Variants in SCNN1A observed in about 807,000 individuals in gnomAD.
SCNN1A encodes sodium channel epithelial 1 subunit alpha.
In SCNN1A, 65 loss-of-function variants were observed where a neutral mutation model predicts 68.6. That is an observed-to-expected ratio of 0.95 (90% CI 0.78 to 1.16). SCNN1A has a LOEUF of 1.16. Ranked by LOEUF, SCNN1A falls within the 50% of genes most tolerant of loss-of-function variation. SCNN1A has a pLI of 0.00. For synonymous variants in SCNN1A, 357 were observed against 353.3 expected, an observed-to-expected ratio of 1.01 and a Z score of -0.12; for missense variants, 880 against 865.9, an observed-to-expected ratio of 1.02 and a Z score of -0.20.
At chr12:6,361,212 G>A (rs949814691) in intron 4 of SCNN1A, among the ~76,000 whole-genome samples, 2 of 152,034 alleles carry the variant, frequency 1.3e-5, no homozygotes, top group African/African-American at 4.8e-5. Flanking sequence ...CTCATTTTTT[G>A]TTTTACTTCC....
intron 4 of SCNN1A, among the ~76,000 whole-genome samples, chr12:6,359,152 T>C (rs1948543910): frequency 6.6e-6 from 1 of 151,916 alleles, no homozygotes; most frequent in African/African-American, 2.4e-5. Context: ...GTAAGGAAAA[T>C]ATTCTAAAAA....
At chr12:6,361,996 T>A in intron 4 of SCNN1A, 55 bp downstream of exon 4, 1 of 1,583,764 alleles carries the variant, frequency 6.3e-7, no homozygotes, top group South Asian at 1.1e-5. Context: ...GGCGTGAGGC[T>A]GACCCAGGGA....
intron 2 of SCNN1A, among the ~76,000 whole-genome samples, chr12:6,373,940 C>T (rs549138367): frequency 8.4e-4 from 128 of 152,330 alleles, no homozygotes; most frequent in African/African-American, 2.9e-3. Flanking sequence ...TCTCGCCTCC[C>T]CTCACCTAGC....
At chr12:6,359,549 C>T (rs550639979) in intron 4 of SCNN1A, among the ~76,000 whole-genome samples, 1 of 152,050 alleles carries the variant, frequency 6.6e-6, no homozygotes, top group Non-Finnish European at 1.5e-5. Context: ...ATGAGTGAAT[C>T]CTCACACTAT....
chr12:6,371,078 T>A (rs537656004), intron 2 of SCNN1A, among the ~76,000 whole-genome samples: 1 of 152,248 alleles, frequency 6.6e-6, no homozygotes, highest in Admixed American at 6.5e-5. Context: ...CTTTGTCCCC[T>A]TTCCTTGAAG....
At chr12:6,364,349 A>G (rs1170792058) in intron 2 of SCNN1A, among the ~76,000 whole-genome samples, 4 of 152,308 alleles carry the variant, frequency 2.6e-5, no homozygotes, top group African/African-American at 7.2e-5. Flanking sequence ...CATCTCCATC[A>G]TGAAAGTCCA....
chr12:6,360,787 C>A (rs1014094666), intron 4 of SCNN1A, among the ~76,000 whole-genome samples: 4 of 152,146 alleles, frequency 2.6e-5, no homozygotes, highest in African/African-American at 9.7e-5. Flanking sequence ...GGGGACCCCC[C>A]CCTCGCCTCA....
chr12:6,363,352 G>A (rs544211992), intron 3 of SCNN1A, 91 bp downstream of exon 3: 6 of 1,175,384 alleles, frequency 5.1e-6, no homozygotes, highest in Non-Finnish European at 2.3e-6. Flanking sequence ...TGGGCTGCGC[G>A]GGCGGGTCAG....
At chr12:6,376,580 T>C (rs868281449), upstream of SCNN1A, among the ~76,000 whole-genome samples, 12 of 152,348 alleles carry the variant, frequency 7.9e-5, no homozygotes, top group Middle Eastern at 3.4e-3. Flanking sequence ...GAGAAATTCG[T>C]TGATGGGCTA....
intron 2 of SCNN1A, among the ~76,000 whole-genome samples, chr12:6,370,552 A>G (rs1282677075): frequency 6.6e-6 from 1 of 152,234 alleles, no homozygotes; most frequent in Non-Finnish European, 1.5e-5. Flanking sequence ...CCTAGGCCCC[A>G]TCCCACCTGG....
Position 6,362,160 on chromosome 12 carries a change from A to T in SCNN1A, c.766T>A (p.Tyr256Asn). Residue 256 changes from tyrosine (Y) to asparagine (N), a missense_variant, in exon 4 of 13, where the codon TAC (tyrosine) becomes AAC (asparagine). Physicochemically the swap from Tyr to Asn is moderately radical, Grantham distance 143. Coordinates refer to ENST00000228916, the MANE Select transcript of SCNN1A (RefSeq NM_001038.6). The part of the protein sequence containing the change: ...DAVREWYRFH[Y>N]INILSRLPET... ...GGCAGCCTCGACAGGATGTTGATGT[A>T]GTGGAAGCGGTACCACTCCCTCACC... is the stretch of plus-strand genomic sequence containing the variant. 6.2e-7 allele frequency: 1 copy of T among 1,614,178 alleles called. No homozygotes were observed. The highest frequency in any genetic ancestry group is 1.6e-4 in the Middle Eastern group (1 of 6,062).
chr12:6,361,967 C>G, intron 4 of SCNN1A, 84 bp downstream of exon 4: 2 of 1,449,306 alleles, frequency 1.4e-6, no homozygotes, highest in Non-Finnish European at 1.9e-6. Context: ...CAAGCATTTC[C>G]TGGGCCCTGC....
chr12:6,362,461 C>T (rs1948596365), intron 3 of SCNN1A, among the ~76,000 whole-genome samples: 1 of 152,092 alleles, frequency 6.6e-6, no homozygotes, highest in Admixed American at 6.5e-5. Context: ...GGAAAGGAGA[C>T]CAGTAGCTGC....
chr12:6,354,100 G>C (rs985805700), intron 8 of SCNN1A, among the ~76,000 whole-genome samples: 1 of 151,764 alleles, frequency 6.6e-6, no homozygotes, highest in Non-Finnish European at 1.5e-5. Context: ...GCGTGGTGGC[G>C]GGTGCCTGTA....
intron 8 of SCNN1A, 40 bp downstream of exon 8, chr12:6,354,398 G>T: frequency 7.4e-7 from 1 of 1,360,168 alleles, no homozygotes; most frequent in South Asian, 1.2e-5. Flanking sequence ...AGTGAGTACT[G>T]GGGTCAGTGG....
intron 4 of SCNN1A, 190 bp from the exon 5 acceptor site, chr12:6,356,070 C>T: frequency 1.6e-6 from 1 of 642,316 alleles, no homozygotes; most frequent in Non-Finnish European, 2.8e-6. Flanking sequence ...CTCCCTCAGT[C>T]ACTCCAACCA....
chr12:6,374,984 C>G lies in SCNN1A; in HGVS notation c.-54-147G>C. 1 of 1,553,230 alleles carries G rather than the reference C, an allele frequency of 6.4e-7. No individual in the cohort carries two copies. The highest frequency in any genetic ancestry group is 1.2e-5 in the South Asian group (1 of 84,710). On this transcript the variant is annotated intron_variant, in intron 1 of 12. Coordinates refer to ENST00000228916, the MANE Select transcript of SCNN1A (RefSeq NM_001038.6). This position sits in a 1 kb window ranked among gnomAD's most constrained non-coding sequence, Gnocchi z 6.2. The stretch of plus-strand genomic sequence containing the variant: ...ATGTCCCACCCTGCGCCCACATTCT[C>G]CCACTCCTCCCTCCCTCCTCCACCT...
At chr12:6,349,531 C>G (rs544890393) in intron 8 of SCNN1A, 126 bp from the exon 9 acceptor site, 2 of 728,116 alleles carry the variant, frequency 2.7e-6, no homozygotes, top group South Asian at 3.0e-5. Context: ...TATAATGATG[C>G]CTTATGAGTG....
intron 9 of SCNN1A, 41 bp downstream of exon 9, chr12:6,349,286 T>C: frequency 6.2e-7 from 1 of 1,613,284 alleles, no homozygotes; most frequent in South Asian, 1.1e-5. Flanking sequence ...CTCGGTAACC[T>C]GTATTCTACC....
Sources: allele counts gnomAD v4.1 joint callset (sites outside exome capture counted in the v4.1 genomes callset), GRCh38; gene constraint gnomAD v4.1.1; non-coding constraint Gnocchi (gnomAD v3.1); transcripts MANE v1.5; gene names NCBI Gene and HGNC (gene_info 2026-07-23, HGNC 2026-07-21).